The following UBXN2A variants were observed in gnomAD, a reference collection of about 807,000 sequenced individuals.
The protein encoded by UBXN2A is UBX domain protein 2A, also known as UBX domain-containing protein 2A.
A neutral mutation model predicts 28.4 loss-of-function variants in UBXN2A; 28 were observed. The ratio of observed to expected loss-of-function variants is 0.99; its 90% confidence interval spans 0.73 to 1.35. The LOEUF is 1.35. Ranked by LOEUF, UBXN2A falls within the 40% of genes most tolerant of loss-of-function variation. The pLI, the probability that UBXN2A is intolerant of heterozygous loss-of-function variation, is 0.00. For missense variants in UBXN2A, 253 were observed against 297.9 expected (o/e 0.85, Z 1.11); for synonymous variants, 97 against 103.6 (o/e 0.94, Z 0.39).
chr2:23,987,325 C>A (rs893330596), intron 6 of UBXN2A, among the ~76,000 whole-genome samples: 2 of 152,050 alleles, frequency 1.3e-5, no homozygotes, highest in African/African-American at 4.8e-5. Flanking sequence ...GATCATGTCT[C>A]TTCTTCTGTG....
At chr2:23,931,525 A>G (rs1191294341) in intron 1 of UBXN2A, among the ~76,000 whole-genome samples, 1 of 152,094 alleles carries the variant, frequency 6.6e-6, no homozygotes, top group Non-Finnish European at 1.5e-5. Flanking sequence ...AATAACTAAA[A>G]CGTTGGTTAA....
At chr2:23,991,452 A>AT (rs1039608486) in intron 6 of UBXN2A, among the ~76,000 whole-genome samples, 2 of 144,400 alleles carry the variant, frequency 1.4e-5, no homozygotes, top group Non-Finnish European at 3.1e-5. Flanking sequence ...TATATATTAT[A>AT]TTTTTTTCTG....
intron 2 of UBXN2A, among the ~76,000 whole-genome samples, chr2:23,959,178 T>A (rs1336898107): frequency 6.6e-6 from 1 of 152,140 alleles, no homozygotes; most frequent in Non-Finnish European, 1.5e-5. Flanking sequence ...TATATAAATA[T>A]TTGATGCTAA....
intron 2 of UBXN2A, chr2:23,968,794 G>A (rs1460067679): frequency 6.6e-6 from 1 of 151,880 alleles, no homozygotes; most frequent in Non-Finnish European, 1.5e-5. Flanking sequence ...TCGTATTTCT[G>A]TACTTTTATA....
chr2:23,965,862 T>A (rs945162043), intron 2 of UBXN2A, among the ~76,000 whole-genome samples: 2 of 152,196 alleles, frequency 1.3e-5, no homozygotes, highest in African/African-American at 4.8e-5. Context: ...TTCGGAAGGT[T>A]ATATATTATT....
intron 2 of UBXN2A, among the ~76,000 whole-genome samples, chr2:23,960,349 G>A (rs1706845501): frequency 6.6e-6 from 1 of 152,148 alleles, no homozygotes; most frequent in Admixed American, 6.6e-5. Flanking sequence ...AATCAGATCT[G>A]CTATATTAAC....
intron 3 of UBXN2A, among the ~76,000 whole-genome samples, chr2:23,975,128 A>C (rs894148069): frequency 1.3e-5 from 2 of 152,202 alleles, no homozygotes; most frequent in African/African-American, 4.8e-5. Context: ...CTGCATAATC[A>C]AGAAAACCAG....
intron 6 of UBXN2A, among the ~76,000 whole-genome samples, chr2:23,993,331 A>G (rs1708419509): frequency 6.6e-6 from 1 of 152,126 alleles, no homozygotes; most frequent in Non-Finnish European, 1.5e-5. Context: ...TTCCCCCTAA[A>G]TGACTGAAGC....
At chr2:23,980,788 C>T (rs571302259) in intron 4 of UBXN2A, among the ~76,000 whole-genome samples, 30 of 152,112 alleles carry the variant, frequency 2.0e-4, no homozygotes, top group Non-Finnish European at 3.2e-4. Context: ...CCACCACATC[C>T]GGCTAATTTT....
chr2:23,945,283 G>A (rs1706012812), intron 1 of UBXN2A, among the ~76,000 whole-genome samples: 2 of 152,130 alleles, frequency 1.3e-5, no homozygotes. Flanking sequence ...GGTCCTTGGA[G>A]TATATAAGTA....
chr2:23,961,720 G>A (rs1706929437), intron 2 of UBXN2A, among the ~76,000 whole-genome samples: 1 of 150,312 alleles, frequency 6.7e-6, no homozygotes, highest in Non-Finnish European at 1.5e-5. Flanking sequence ...GCTAATTTTT[G>A]TATTTTTAGT....
chr2:23,997,944 T>C (rs908598209), intron 6 of UBXN2A, among the ~76,000 whole-genome samples: 2 of 152,104 alleles, frequency 1.3e-5, no homozygotes, highest in Admixed American at 6.6e-5. Context: ...CCTGAGTAGC[T>C]GGGATTACAG....
intron 4 of UBXN2A, among the ~76,000 whole-genome samples, chr2:23,978,403 G>A (rs904517000): frequency 7.2e-5 from 11 of 152,160 alleles, no homozygotes; most frequent in African/African-American, 2.7e-4. Context: ...CAGCACTTTG[G>A]GAGGCCGAGG....
upstream of UBXN2A, among the ~76,000 whole-genome samples, chr2:23,939,378 A>T (rs1051491300): frequency 6.6e-6 from 1 of 152,248 alleles, no homozygotes; most frequent in South Asian, 2.1e-4. Context: ...CAACCATGAG[A>T]TCTGCAGCGA....
chr2:23,936,035 G>C (rs946215365), upstream of UBXN2A, among the ~76,000 whole-genome samples: 3 of 152,140 alleles, frequency 2.0e-5, no homozygotes, highest in African/African-American at 7.2e-5. Flanking sequence ...CTGGGTGACA[G>C]AGGGAGGCTG....
At chr2:23,943,959 A>G in intron 1 of UBXN2A, 1 of 443,976 alleles carries the variant, frequency 2.3e-6, no homozygotes, top group Non-Finnish European at 4.4e-6. Flanking sequence ...CAAAGAAGAG[A>G]TGGAATGGTT....
intron 1 of UBXN2A, among the ~76,000 whole-genome samples, chr2:23,952,920 T>G (rs2150822251): frequency 6.6e-6 from 1 of 152,166 alleles, no homozygotes; most frequent in African/African-American, 2.4e-5. Context: ...CATTGATTTT[T>G]TTTTCAAGCC....
At chr2:23,966,799 G>A (rs1292441396) in intron 2 of UBXN2A, among the ~76,000 whole-genome samples, 1 of 144,886 alleles carries the variant, frequency 6.9e-6, no homozygotes, top group Non-Finnish European at 1.5e-5. Context: ...TTTTGAGATA[G>A]GGTCTTACTC....
intron 2 of UBXN2A, among the ~76,000 whole-genome samples, chr2:23,968,435 G>A (rs1309472619): frequency 1.3e-5 from 2 of 152,040 alleles, no homozygotes; most frequent in African/African-American, 4.8e-5. Context: ...CCAGCACTTC[G>A]GGAGGCTGAG....
Sources: gnomAD v4.1 joint callset for allele counts (sites outside exome capture counted in the v4.1 genomes callset) on GRCh38, gnomAD v4.1.1 for gene constraint, MANE v1.5 for transcripts, NCBI Gene and HGNC (gene_info 2026-07-23, HGNC 2026-07-21) for gene names.